Variants in CLCN1 observed in about 807,000 individuals in gnomAD.
The protein encoded by CLCN1 is chloride channel protein 1.
CLCN1 carries 100 observed loss-of-function variants against 114.5 expected under a neutral mutation model. That is an observed-to-expected ratio of 0.87 (90% CI 0.74 to 1.03). The LOEUF (loss-of-function observed/expected upper bound fraction) is 1.03, where lower values mean the gene tolerates loss of function less well. Among genes scored for constraint, CLCN1 ranks in the 50% least tolerant of loss-of-function variants. The pLI is 0.00. For missense variants in CLCN1, 1,188 were observed against 1,250.0 expected (o/e 0.95, Z 0.75); for synonymous variants, 485 against 487.1 (o/e 1.00, Z 0.06).
intron 17 of CLCN1, 106 bp from the exon 18 acceptor site, chr7:143,346,034 G>A (rs1440894165): frequency 8.0e-6 from 7 of 871,870 alleles, no homozygotes; most frequent in Non-Finnish European, 9.6e-6. Flanking sequence ...CTGAACTGGG[G>A]GGAAGAATAG....
chr7:143,326,011 TG>T (rs201531936), intron 7 of CLCN1, among the ~76,000 whole-genome samples: 17 of 148,788 alleles, frequency 1.1e-4, no homozygotes, highest in Admixed American at 4.0e-4. Context: ...TTGTTTTTTT[TG>T]TTTGTTTGTT....
chr7:143,322,907 G>T (rs544073953), intron 5 of CLCN1, among the ~76,000 whole-genome samples: 18 of 152,294 alleles, frequency 1.2e-4, no homozygotes, highest in Middle Eastern at 3.4e-3. Context: ...CCTGTGTTTG[G>T]CTCACAAGTT....
chr7:143,325,709 C>T (rs1802556355), intron 7 of CLCN1, among the ~76,000 whole-genome samples: 1 of 152,076 alleles, frequency 6.6e-6, no homozygotes, highest in Non-Finnish European at 1.5e-5. Flanking sequence ...TTTTAATCAG[C>T]CAGATTCTCT....
At chr7:143,347,322 T>A (rs911778470) in intron 20 of CLCN1, among the ~76,000 whole-genome samples, 2 of 151,798 alleles carry the variant, frequency 1.3e-5, no homozygotes, top group East Asian at 1.9e-4. Flanking sequence ...AAGAAGAACA[T>A]CAAAACTAAA....
rs770605959 is a variant in CLCN1, at chr7:143,323,386, G to A, written c.774G>A (p.Glu258=). The change falls in exon 6 of 23, where the codon GAG becomes GAA. Residue 258 remains glutamate, a splice_region_variant and synonymous_variant. Transcript: ENST00000343257. ...KFMSVFCGVY[E]QPYYYSDILT... The stretch of plus-strand genomic sequence containing the variant: ...TGTCTGTGTTCTGCGGGGTATATGA[G>A]GTAAGGTTGAGACAGTGAAATGAGC... The A allele has an allele frequency of 3.7e-6, 6 of 1,609,828 alleles. No individual in the cohort carries two copies. Among genetic ancestry groups the A allele is most frequent in the Non-Finnish European group, 5.1e-6 (6 of 1,176,140 alleles).
chr7:143,326,548 G>A (rs1472543697), intron 7 of CLCN1, among the ~76,000 whole-genome samples: 3 of 152,150 alleles, frequency 2.0e-5, no homozygotes, highest in African/African-American at 4.8e-5. Flanking sequence ...TGGCAGCTGG[G>A]GTAAAGTGCA....
chr7:143,344,070 C>A (rs960630394), intron 16 of CLCN1, among the ~76,000 whole-genome samples: 1 of 151,984 alleles, frequency 6.6e-6, no homozygotes, highest in Non-Finnish European at 1.5e-5. Context: ...GAACTCCTGA[C>A]CTCAGGCGAT....
rs563827587 is a variant in CLCN1 at position 143,330,688 on chromosome 7, A to C, written c.854-84A>C. The C allele has an allele frequency of 8.8e-6, 14 of 1,586,962 alleles. No homozygotes were observed. In the East Asian group the frequency reaches 2.9e-4, roughly 33 times the overall value. ...CCACCCAGATTCATGTTTCAGCAAA[A>C]GCTCCTTAGGTCCAAGCAGTGGGGA... On this transcript the variant is annotated intron_variant, in intron 7 of 22. Coordinates refer to ENST00000343257, the MANE Select transcript of CLCN1 (RefSeq NM_000083.3).
chr7:143,319,185 A>G (rs1417799651), intron 1 of CLCN1, among the ~76,000 whole-genome samples: 1 of 152,190 alleles, frequency 6.6e-6, no homozygotes, highest in Non-Finnish European at 1.5e-5. Flanking sequence ...TTTTCGGGCT[A>G]GTTCTTGTGT....
chr7:143,318,072 T>C (rs1192139324), intron 1 of CLCN1, among the ~76,000 whole-genome samples: 1 of 152,184 alleles, frequency 6.6e-6, no homozygotes, highest in Non-Finnish European at 1.5e-5. Context: ...TAATTTTTAT[T>C]ATGGAAGACT....
intron 16 of CLCN1, 40 bp downstream of exon 16, chr7:143,342,545 C>CTGAA: frequency 1.2e-6 from 2 of 1,610,992 alleles, no homozygotes; most frequent in Non-Finnish European, 8.5e-7. Flanking sequence ...AGCTAGTGAC[C>CTGAA]TGAATAAGGG....
chr7:143,323,633 G>C (rs1802504430), intron 6 of CLCN1: 3 of 649,084 alleles, frequency 4.6e-6, no homozygotes, highest in Non-Finnish European at 8.8e-6. Context: ...TGGAGGTCTG[G>C]TCTGTCGTCT....
At position 143,324,495 on chromosome 7, in the gene CLCN1, A is replaced by G. The variant is rs1802529018; in HGVS notation, c.853+3A>G. The stretch of plus-strand genomic sequence containing the variant: ...TTGTTTTGGGACACCACTTGGAGGC[A>G]AGTGATTGACCCCCTCCCCCATCAA... On this transcript the variant is annotated splice_donor_region_variant and intron_variant, in intron 7 of 22. Coordinates refer to ENST00000343257, the MANE Select transcript of CLCN1 (RefSeq NM_000083.3). The surrounding 1 kb of genome is among the most constrained non-coding windows in gnomAD (Gnocchi z 4.6). 1 of 1,611,842 alleles carries G rather than the reference A, an allele frequency of 6.2e-7. No individual in the cohort carries two copies. Among genetic ancestry groups the G allele is most frequent in the Non-Finnish European group, 8.5e-7 (1 of 1,178,184 alleles).
intron 3 of CLCN1, 104 bp downstream of exon 3, chr7:143,320,899 G>A (rs1802412512): frequency 1.4e-6 from 2 of 1,388,312 alleles, no homozygotes; most frequent in South Asian, 1.2e-5. Context: ...TGTGTTATGG[G>A]AAGCGAATAT....
At chr7:143,332,699 C>T (rs370472642) in intron 11 of CLCN1, 25 bp from the exon 12 acceptor site, 2 of 1,613,494 alleles carry the variant, frequency 1.2e-6, no homozygotes, top group African/African-American at 2.7e-5. Context: ...GGAGAACCCA[C>T]CCTTTCTGCT....
At chr7:143,319,551 T>C (rs1802371131) in intron 1 of CLCN1, among the ~76,000 whole-genome samples, 1 of 151,898 alleles carries the variant, frequency 6.6e-6, no homozygotes, top group South Asian at 2.1e-4. Flanking sequence ...GTAGGATGAA[T>C]GAACAAGGGA....
chr7:143,342,149 G>A lies in CLCN1; in HGVS notation c.1796+7G>A, dbSNP rs1237574012. On this transcript the variant is annotated splice_region_variant and intron_variant, in intron 15 of 22. Transcript: ENST00000343257. ...TTGGCTGGAACCAGCTCAGGTCAGG[G>A]GCACTAGACGGAATTAGTTCAGATC... 2.5e-6 allele frequency: 4 copies of A among 1,612,614 alleles called. No homozygotes were observed. Among genetic ancestry groups the A allele is most frequent in the Admixed American group, 3.3e-5 (2 of 59,996 alleles).
At chr7:143,346,366 TG>T (rs1322836142) in intron 18 of CLCN1, 115 bp downstream of exon 18, 1 of 731,730 alleles carries the variant, frequency 1.4e-6, no homozygotes, top group Non-Finnish European at 2.4e-6. Flanking sequence ...GGGGTGAGGC[TG>T]GGGGATTGAG....
intron 16 of CLCN1, among the ~76,000 whole-genome samples, chr7:143,343,702 C>CT (rs758260140): frequency 4.7e-5 from 6 of 128,410 alleles, no homozygotes; most frequent in Non-Finnish European, 8.3e-5. Flanking sequence ...TTCTTTCTTC[C>CT]TTCCTTTCTT....
Sources: gnomAD v4.1 joint callset for allele counts (sites outside exome capture counted in the v4.1 genomes callset) on GRCh38, gnomAD v4.1.1 for gene constraint, Gnocchi (gnomAD v3.1) non-coding constraint, MANE v1.5 for transcripts, NCBI Gene and HGNC (gene_info 2026-07-23, HGNC 2026-07-21) for gene names.